The following ALDH1A3 variants were observed in gnomAD, a reference collection of about 807,000 sequenced individuals.
ALDH1A3 encodes aldehyde dehydrogenase 1 family member A3, also known as retinaldehyde dehydrogenase 3.
A neutral mutation model predicts 57.5 loss-of-function variants in ALDH1A3; 28 were observed. The ratio of observed to expected loss-of-function variants is 0.49; its 90% CI spans 0.36 to 0.67. The LOEUF is 0.67. ALDH1A3 is among the 30% of genes least tolerant of loss of function. The probability of loss-of-function intolerance (pLI) is 0.00; values close to 1 mark genes in which losing one functional copy is unlikely to be tolerated. For synonymous variants in ALDH1A3, 281 were observed against 264.8 expected, an observed-to-expected ratio of 1.06 and a Z score of -0.59; for missense variants, 507 against 669.4, an observed-to-expected ratio of 0.76 and a Z score of 2.68.
chr15:100,905,752 GC>G, intron 10 of ALDH1A3, 65 bp downstream of exon 10: 1 of 1,420,272 alleles, frequency 7.0e-7, no homozygotes. Flanking sequence ...CTTCCCTAGG[GC>G]CCAGGGATCC....
At position 100,885,335 on chromosome 15, in the gene ALDH1A3, T is replaced by G. The variant is rs753965918; in HGVS notation, c.168T>G (p.Thr56=). The G allele has an allele frequency of 1.2e-6, 2 of 1,613,762 alleles. No individual in the cohort carries two copies. The highest frequency in any genetic ancestry group is 1.7e-6 in the Non-Finnish European group (2 of 1,179,626). ...GKKFATCNPS[T]REQICEVEEG... ...AGTTTGCTACATGTAACCCTTCAAC[T>G]CGGGAGCAAATATGTGAAGTGGAAG... Residue 56 remains threonine (T), a synonymous_variant, in exon 2 of 13, where the codon ACT becomes ACG. Coordinates refer to ENST00000329841, the MANE Select transcript of ALDH1A3 (RefSeq NM_000693.4).
chr15:100,907,634 G>C (rs1463453418), intron 11 of ALDH1A3, among the ~76,000 whole-genome samples: 1 of 152,046 alleles, frequency 6.6e-6, no homozygotes, highest in African/African-American at 2.4e-5. Context: ...TGCAAAATGT[G>C]GATACTAGTC....
At chr15:100,912,500 T>TA (rs1483324843) in intron 12 of ALDH1A3, among the ~76,000 whole-genome samples, 1 of 152,222 alleles carries the variant, frequency 6.6e-6, no homozygotes, top group Non-Finnish European at 1.5e-5. Flanking sequence ...TGGGAGTTTT[T>TA]AATGGAGTCT....
At chr15:100,909,650 T>C (rs551426289) in intron 12 of ALDH1A3, among the ~76,000 whole-genome samples, 19 of 152,368 alleles carry the variant, frequency 1.2e-4, no homozygotes, top group African/African-American at 4.6e-4. Flanking sequence ...TTTTTTGTCC[T>C]GCCTGCTGGG....
chr15:100,895,690 C>T (rs922334762), intron 6 of ALDH1A3: 3 of 556,416 alleles, frequency 5.4e-6, no homozygotes, highest in South Asian at 4.4e-5. Flanking sequence ...GGGGTCCCCC[C>T]CCAGAAGGAG....
At chr15:100,890,178 C>A (rs545568190) in intron 3 of ALDH1A3, among the ~76,000 whole-genome samples, 4 of 152,326 alleles carry the variant, frequency 2.6e-5, no homozygotes, top group African/African-American at 9.6e-5. Context: ...TTTCTGGGTC[C>A]TCTCGTTGTA....
chr15:100,880,265 G>T (rs2041533667), intron 1 of ALDH1A3: 1 of 387,134 alleles, frequency 2.6e-6, no homozygotes, highest in Admixed American at 4.5e-5. Context: ...GCGGGGCCGG[G>T]CCGCCCGCAT....
intron 1 of ALDH1A3, chr15:100,881,357 A>T (rs187593137): frequency 3.9e-4 from 59 of 152,330 alleles, no homozygotes; most frequent in African/African-American, 1.4e-3. Flanking sequence ...AAGAGTGAAA[A>T]TGGTACCCGA....
chr15:100,908,017 T>G (rs570881327), intron 11 of ALDH1A3, among the ~76,000 whole-genome samples: 2 of 151,850 alleles, frequency 1.3e-5, no homozygotes, highest in African/African-American at 4.8e-5. Flanking sequence ...CCCAGCTAAT[T>G]TTTGTATTTT....
chr15:100,882,210 C>T (rs1446920023), intron 1 of ALDH1A3, among the ~76,000 whole-genome samples: 4 of 152,350 alleles, frequency 2.6e-5, no homozygotes, highest in Non-Finnish European at 2.9e-5. Flanking sequence ...TGCCATTTCC[C>T]AGGGTGGTCC....
chr15:100,898,707 C>T (rs555463280), intron 8 of ALDH1A3, among the ~76,000 whole-genome samples: 25 of 152,346 alleles, frequency 1.6e-4, no homozygotes, highest in African/African-American at 4.8e-4. Flanking sequence ...TCAAATTACC[C>T]GCTTTGCCTG....
At chr15:100,908,382 C>G (rs2041847331) in intron 11 of ALDH1A3, 26 bp from the exon 12 acceptor site, 1 of 1,603,454 alleles carries the variant, frequency 6.2e-7, no homozygotes, top group Non-Finnish European at 8.5e-7. Context: ...CCAGATGACT[C>G]TGAGCTTTCT....
chr15:100,909,441 G>A (rs1247157996), intron 12 of ALDH1A3, among the ~76,000 whole-genome samples: 1 of 126,238 alleles, frequency 7.9e-6, no homozygotes, highest in African/African-American at 3.0e-5. Context: ...CAAACCCACT[G>A]CAAACCCCTC....
In ALDH1A3 at chr15:100,915,072, CAG is replaced by C. The variant is rs1199828445; in HGVS notation, c.*300_*301del. 5.1e-6 allele frequency: 2 copies of C among 391,350 alleles called. No individual in the cohort carries two copies. Among genetic ancestry groups the C allele is most frequent in the East Asian group, 9.7e-5 (2 of 20,644 alleles). The allele number at this position is 391,350 out of a possible 1,614,324, so 24.2% of individuals were successfully genotyped here. Reference sequence around the variant, plus strand: ...AGTGAGATACTCAGGGCGTTGTTAACAGGGAGTGGTATTTGAAGTGTCCAGCA... The same window carrying C: ...AGTGAGATACTCAGGGCGTTGTTAACGGAGTGGTATTTGAAGTGTCCAGCA... On this transcript the variant is annotated 3_prime_UTR_variant, in exon 13 of 13. Transcript: ENST00000329841.
rs545024251 is a variant in ALDH1A3, at chr15:100,891,904, C to G, written c.346-606C>G. On this transcript the variant is annotated intron_variant, in intron 3 of 12. Transcript: ENST00000329841. ...ACCAGCAGGGCAGTCTGCTCCCTTC[C>G]GACTCTGCATCCGGCCGGCCGGGCT... 4.0e-3 allele frequency among the ~76,000 whole-genome samples: 606 copies of G among 152,372 alleles called. 2 individuals carry two copies. The highest frequency in any genetic ancestry group is 7.4e-3 in the Non-Finnish European group (501 of 68,032).
intron 7 of ALDH1A3, 161 bp downstream of exon 7, chr15:100,896,207 C>A: frequency 1.7e-6 from 1 of 579,860 alleles, no homozygotes; most frequent in Non-Finnish European, 3.1e-6. Flanking sequence ...GGTCTAGTTT[C>A]CAAACTAAAT....
rs539764985 is a variant in ALDH1A3, at chr15:100,914,887, T to C, written c.*114T>C. ...TCCCGGGACACATTCTTCTGGAGGCTTTACATCTACTGGAGTTGAATGATT... is the reference window on the plus strand; with the variant it reads ...TCCCGGGACACATTCTTCTGGAGGCCTTACATCTACTGGAGTTGAATGATT... On this transcript the variant is annotated 3_prime_UTR_variant, in exon 13 of 13. Transcript: ENST00000329841. The C allele has an allele frequency of 2.1e-6, 2 of 933,898 alleles. No individual in the cohort carries two copies. Among genetic ancestry groups the C allele is most frequent in the East Asian group, 2.6e-5 (1 of 38,282 alleles). 57.9% of individuals were successfully genotyped at this position (933,898 alleles called of 1,614,324 possible). A position where few individuals can be genotyped will look rare whatever the true frequency, so the allele number is the denominator to read the frequency against.
At chr15:100,905,194 T>A (rs887682318) in intron 9 of ALDH1A3, among the ~76,000 whole-genome samples, 1 of 152,050 alleles carries the variant, frequency 6.6e-6, no homozygotes, top group Non-Finnish European at 1.5e-5. Context: ...ATGTAAAGAG[T>A]TGGGAGAAGA....
At position 100,899,810 on chromosome 15, in the gene ALDH1A3, T is replaced by C. The variant is rs1596129069; in HGVS notation, c.884-765T>C. ...TCTCAAAGCCAAGGGCACAGTCCCT[T>C]GGAGCAGCCCCTGTGGAATTGGAAC... On this transcript the variant is annotated intron_variant, in intron 8 of 12. Transcript: ENST00000329841. Among the ~76,000 whole-genome samples, 4 of 152,278 alleles carry C rather than the reference T, an allele frequency of 2.6e-5. No individual in the cohort carries two copies. In the South Asian group the frequency reaches 8.3e-4, roughly 32 times the overall value.
Sources: allele counts gnomAD v4.1 joint callset (sites outside exome capture counted in the v4.1 genomes callset), GRCh38; gene constraint gnomAD v4.1.1; transcripts MANE v1.5; gene names NCBI Gene and HGNC (gene_info 2026-07-23, HGNC 2026-07-21).